Variants in WWP1 observed in about 807,000 individuals in gnomAD.
WWP1 encodes WW domain containing E3 ubiquitin protein ligase 1.
A neutral mutation model predicts 130.6 loss-of-function variants in WWP1; 49 were observed. That is an observed-to-expected ratio of 0.38 (90% CI 0.30 to 0.48). WWP1 has a LOEUF of 0.48. Among genes scored for constraint, WWP1 ranks in the 20% least tolerant of loss-of-function variants. The probability of loss-of-function intolerance (pLI) is 0.99; values close to 1 mark genes in which losing one functional copy is unlikely to be tolerated. For synonymous variants in WWP1, 332 were observed against 367.8 expected (o/e 0.90, Z 1.11); for missense variants, 809 against 1,100.6 (o/e 0.74, Z 3.75).
At chr8:86,464,550 G>A (rs916174446) in intron 24 of WWP1, among the ~76,000 whole-genome samples, 3 of 151,622 alleles carry the variant, frequency 2.0e-5, no homozygotes, top group South Asian at 2.1e-4. Flanking sequence ...GAGTCTTGCT[G>A]TGTTACCTAT....
chr8:86,350,548 G>A (rs1292127680), intron 1 of WWP1, among the ~76,000 whole-genome samples: 2 of 152,154 alleles, frequency 1.3e-5, no homozygotes, highest in African/African-American at 4.8e-5. Context: ...GTAATTGGAT[G>A]TACTGAGAAA....
At chr8:86,382,860 T>G (rs185179734) in intron 5 of WWP1, among the ~76,000 whole-genome samples, 121 of 152,352 alleles carry the variant, frequency 7.9e-4, no homozygotes, top group African/African-American at 2.8e-3. Flanking sequence ...ATTTTTGCTC[T>G]TCTTATTTCT....
intron 5 of WWP1, among the ~76,000 whole-genome samples, chr8:86,390,870 T>A (rs1357051100): frequency 6.6e-6 from 1 of 152,172 alleles, no homozygotes; most frequent in Non-Finnish European, 1.5e-5. Flanking sequence ...CTTTTCAGAT[T>A]TACAAGGCTA....
intron 18 of WWP1, among the ~76,000 whole-genome samples, chr8:86,445,624 G>T (rs774916277): frequency 6.6e-6 from 1 of 152,126 alleles, no homozygotes; most frequent in East Asian, 1.9e-4. Flanking sequence ...AACATACAGT[G>T]CTTGTGTCCT....
At chr8:86,362,897 A>G (rs1378221961) in intron 1 of WWP1, among the ~76,000 whole-genome samples, 2 of 152,222 alleles carry the variant, frequency 1.3e-5, no homozygotes, top group African/African-American at 2.4e-5. Flanking sequence ...TAGCAGGACT[A>G]TCTGCATTTT....
chr8:86,351,524 A>G (rs1354781155), intron 1 of WWP1, among the ~76,000 whole-genome samples: 1 of 149,792 alleles, frequency 6.7e-6, no homozygotes, highest in Admixed American at 6.7e-5. Flanking sequence ...TTTTTTTAGT[A>G]GAGATGTTGC....
chr8:86,418,677 G>A (rs2130606419), intron 9 of WWP1, among the ~76,000 whole-genome samples: 1 of 152,324 alleles, frequency 6.6e-6, no homozygotes, highest in East Asian at 1.9e-4. Flanking sequence ...CAGAACTTCT[G>A]CTCTGCCTAG....
intron 24 of WWP1, among the ~76,000 whole-genome samples, chr8:86,465,469 TA>T (rs1461487129): frequency 6.6e-6 from 1 of 151,680 alleles, no homozygotes. Flanking sequence ...CAAAAAAAAA[TA>T]CAAAAGTTAG....
Position 86,460,523 on chromosome 8 carries a change from C to G in WWP1, c.2500-701C>G, listed in dbSNP as rs569477301. Among the ~76,000 whole-genome samples, 4 of 152,320 alleles carry G rather than the reference C, an allele frequency of 2.6e-5. No individual in the cohort carries two copies. The South Asian group carries it at 8.3e-4, about 32-fold the overall frequency. Reference sequence around the variant, plus strand: ...TAAATCCATGAAAACCAGTGGCACACTATTTGGCAGGAACCCTTAATAGCT... The same window carrying G: ...TAAATCCATGAAAACCAGTGGCACAGTATTTGGCAGGAACCCTTAATAGCT... On this transcript the variant is annotated intron_variant, in intron 22 of 24. Coordinates refer to ENST00000517970, the MANE Select transcript of WWP1 (RefSeq NM_007013.4).
At chr8:86,394,864 C>T (rs1807563795) in intron 5 of WWP1, among the ~76,000 whole-genome samples, 2 of 143,900 alleles carry the variant, frequency 1.4e-5, no homozygotes, top group African/African-American at 5.2e-5. Context: ...TGCAGAATAC[C>T]TAGGTCCTGG....
intron 5 of WWP1, among the ~76,000 whole-genome samples, chr8:86,385,200 T>G (rs1056845756): frequency 6.6e-6 from 1 of 152,210 alleles, no homozygotes; most frequent in African/African-American, 2.4e-5. Flanking sequence ...AGGTGTGCTC[T>G]ATATAGAAAA....
intron 21 of WWP1, among the ~76,000 whole-genome samples, chr8:86,457,304 TA>T (rs1393365106): frequency 6.6e-6 from 1 of 151,926 alleles, no homozygotes; most frequent in Non-Finnish European, 1.5e-5. Context: ...GAGGTTAGTA[TA>T]TTTTTTTATT....
chr8:86,360,576 A>G (rs1188735965), intron 1 of WWP1, among the ~76,000 whole-genome samples: 3 of 152,312 alleles, frequency 2.0e-5, no homozygotes, highest in Middle Eastern at 3.4e-3. Flanking sequence ...AGCTTTGCTC[A>G]TAGGATGCCA....
At chr8:86,402,879 A>G (rs530296503) in intron 8 of WWP1, among the ~76,000 whole-genome samples, 5 of 152,310 alleles carry the variant, frequency 3.3e-5, no homozygotes, top group Admixed American at 2.6e-4. Context: ...CTTTTATCCC[A>G]TCTTTCAGTA....
intron 4 of WWP1, among the ~76,000 whole-genome samples, chr8:86,381,201 T>C (rs940054893): frequency 6.6e-6 from 1 of 152,188 alleles, no homozygotes; most frequent in African/African-American, 2.4e-5. Flanking sequence ...TGTAAGTCTT[T>C]AGACATTTGT....
intron 5 of WWP1, among the ~76,000 whole-genome samples, chr8:86,390,106 G>A (rs1825558679): frequency 6.6e-6 from 1 of 151,280 alleles, no homozygotes; most frequent in Non-Finnish European, 1.5e-5. Flanking sequence ...GGAGCGGCGG[G>A]GCAGAGGCGC....
At chr8:86,401,392 T>A (rs1167891412) in intron 7 of WWP1, among the ~76,000 whole-genome samples, 1 of 151,972 alleles carries the variant, frequency 6.6e-6, no homozygotes, top group Non-Finnish European at 1.5e-5. Context: ...AGATCCAGTC[T>A]CTACAAAAAT....
At chr8:86,369,089 C>T (rs1824139202) in intron 2 of WWP1, 58 bp downstream of exon 2, 1 of 152,042 alleles carries the variant, frequency 6.6e-6, no homozygotes, top group Non-Finnish European at 1.5e-5. Flanking sequence ...AGACTTCATA[C>T]ATTTTGATAG....
At chr8:86,384,210 A>T (rs376711780) in intron 5 of WWP1, among the ~76,000 whole-genome samples, 131 of 152,270 alleles carry the variant, frequency 8.6e-4, no homozygotes, top group Non-Finnish European at 1.7e-3. Flanking sequence ...AAAACGTCAC[A>T]TTTTGAGGTA....
Sources: gnomAD v4.1 joint callset for allele counts (sites outside exome capture counted in the v4.1 genomes callset) on GRCh38, gnomAD v4.1.1 for gene constraint, MANE v1.5 for transcripts, NCBI Gene and HGNC (gene_info 2026-07-23, HGNC 2026-07-21) for gene names.